DPF3: variants seen among roughly 807,000 people sequenced by gnomAD.
The protein encoded by DPF3 is double PHD fingers 3.
In DPF3, 18 loss-of-function variants were observed where a neutral mutation model predicts 56.8. The ratio of observed to expected loss-of-function variants is 0.32; its 90% CI spans 0.22 to 0.47. The LOEUF (loss-of-function observed/expected upper bound fraction) is 0.47. Ranked by LOEUF, DPF3 falls within the 20% of genes least tolerant of loss-of-function variation. The probability of loss-of-function intolerance (pLI) is 1.00; values close to 1 mark genes in which losing one functional copy is unlikely to be tolerated. For missense variants in DPF3, 403 were observed against 488.8 expected, an observed-to-expected ratio of 0.82 and a Z score of 1.65; for synonymous variants, 188 against 180.2, an observed-to-expected ratio of 1.04 and a Z score of -0.35.
intron 1 of DPF3, among the ~76,000 whole-genome samples, chr14:72,807,976 C>A (rs751035173): frequency 6.6e-6 from 1 of 152,068 alleles, no homozygotes; most frequent in Non-Finnish European, 1.5e-5. Context: ...AAAACAACAA[C>A]AACAACAACA....
At chr14:72,649,540 G>C (rs1182683005) in intron 8 of DPF3, among the ~76,000 whole-genome samples, 1 of 151,734 alleles carries the variant, frequency 6.6e-6, no homozygotes, top group South Asian at 2.1e-4. Context: ...GGAAGGAGTG[G>C]GTGAAAGAAT....
chr14:72,658,368 A>AT (rs1213845356), intron 8 of DPF3, among the ~76,000 whole-genome samples: 8 of 152,144 alleles, frequency 5.3e-5, no homozygotes. Context: ...TTCCGGAAGG[A>AT]TTTTTTTAAT....
chr14:72,802,492 T>C (rs909926829), intron 1 of DPF3, among the ~76,000 whole-genome samples: 6 of 152,190 alleles, frequency 3.9e-5, no homozygotes, highest in Non-Finnish European at 8.8e-5. Flanking sequence ...CACATAGATA[T>C]CAAAGCTCAA....
At chr14:72,771,565 G>A (rs939257909) in intron 2 of DPF3, among the ~76,000 whole-genome samples, 168 bp downstream of exon 2, 1 of 139,812 alleles carries the variant, frequency 7.2e-6, no homozygotes, top group African/African-American at 2.6e-5. Flanking sequence ...ACACCTGCCA[G>A]GAGCCATAAA....
intron 3 of DPF3, among the ~76,000 whole-genome samples, chr14:72,752,852 G>C (rs1269009508): frequency 1.3e-5 from 2 of 152,154 alleles, no homozygotes; most frequent in African/African-American, 2.4e-5. Flanking sequence ...CAGGGTAAGG[G>C]GTAGAGGGTC....
In DPF3 at chr14:72,613,593, C is replaced by T. The variant is rs1022696551; in HGVS notation, c.*5704G>A. Among the ~76,000 whole-genome samples the T allele has an allele frequency of 2.6e-5, 4 of 152,178 alleles. No homozygotes were observed. Among genetic ancestry groups the T allele is most frequent in the African/African-American group, 9.7e-5 (4 of 41,434 alleles). The stretch of plus-strand genomic sequence containing the variant: ...GGGACAGAAGCTGGAACAAAGGGCC[C>T]TGGGGAGTCACCTCAGGACCCCCTC... On this transcript the variant is annotated 3_prime_UTR_variant, in exon 11 of 11. Coordinates refer to ENST00000556509, the MANE Select transcript of DPF3 (RefSeq NM_001280542.3).
Position 72,630,749 on chromosome 14 carries a change from C to CA in DPF3, c.872-1014dup, listed in dbSNP as rs768121824. Among the ~76,000 whole-genome samples, 90 of 152,220 alleles carry CA rather than the reference C, an allele frequency of 5.9e-4. 1 individual carries two copies. The Middle Eastern group carries it at 9.5e-3, about 16-fold the overall frequency. The stretch of plus-strand genomic sequence containing the variant: ...GCAAAGCCAATTACTGACTCTGTCA[C>CA]AAAAAACATTGACAGCTTTGCCCAG... On this transcript the variant is annotated intron_variant, in intron 8 of 10. Coordinates refer to ENST00000556509, the MANE Select transcript of DPF3 (RefSeq NM_001280542.3).
chr14:72,704,551 C>T (rs1888325841), intron 6 of DPF3, among the ~76,000 whole-genome samples: 3 of 152,124 alleles, frequency 2.0e-5, no homozygotes, highest in Admixed American at 2.0e-4. Flanking sequence ...GGCCTTCTTC[C>T]ACCTACAATG....
rs139002551 is a variant in DPF3, at chr14:72,683,686, C to T, written c.743-9318G>A. On this transcript the variant is annotated intron_variant, in intron 7 of 10. Coordinates refer to ENST00000556509, the MANE Select transcript of DPF3 (RefSeq NM_001280542.3). ...GGGAGGTGAGTCGGAGAGGTGGACA[C>T]GCAGGGCCTCACAGGCTAGGGCTTC... is the stretch of plus-strand genomic sequence containing the variant. 1.1e-3 allele frequency among the ~76,000 whole-genome samples: 163 copies of T among 152,284 alleles called. 1 individual carries two copies. Among genetic ancestry groups the T allele is most frequent in the African/African-American group, 3.5e-3 (147 of 41,552 alleles).
intron 1 of DPF3, among the ~76,000 whole-genome samples, chr14:72,874,423 G>A (rs867433371): frequency 1.3e-5 from 2 of 151,646 alleles, no homozygotes; most frequent in Non-Finnish European, 2.9e-5. Context: ...AGGTTGTGGT[G>A]AGCCAAGATC....
intron 2 of DPF3, among the ~76,000 whole-genome samples, chr14:72,753,830 C>T (rs1461913912): frequency 2.0e-5 from 3 of 152,056 alleles, no homozygotes; most frequent in African/African-American, 7.2e-5. Context: ...AGAGACAGAA[C>T]CAAAAACACT....
At position 72,756,859 on chromosome 14, in the gene DPF3, A is replaced by AG. The variant is rs1567222901; in HGVS notation, c.194-3489dup. On this transcript the variant is annotated intron_variant, in intron 2 of 10. Coordinates refer to ENST00000556509, the MANE Select transcript of DPF3 (RefSeq NM_001280542.3). Reference sequence around the variant, plus strand: ...AAGAAAGAAAGAAAGAAAGAAAGAAAGAAAGAAAGAAAGGAAGGAAAGAAG... The same window carrying AG: ...AAGAAAGAAAGAAAGAAAGAAAGAAAGGAAAGAAAGAAAGGAAGGAAAGAAG... 4.4e-3 allele frequency among the ~76,000 whole-genome samples: 514 copies of AG among 116,540 alleles called. 7 individuals carry two copies. Among genetic ancestry groups the AG allele is most frequent in the African/African-American group, 0.016 (451 of 28,866 alleles). The allele number at this position is 116,540 out of a possible 152,430, so 76.5% of individuals were successfully genotyped here.
intron 1 of DPF3, chr14:72,805,927 C>G (rs73302202): frequency 6.6e-6 from 1 of 152,120 alleles, no homozygotes; most frequent in Non-Finnish European, 1.5e-5. Context: ...AGGGCTCTCT[C>G]TAATGGGGAC....
intron 7 of DPF3, among the ~76,000 whole-genome samples, chr14:72,680,252 T>C (rs2153571462): frequency 6.6e-6 from 1 of 152,316 alleles, no homozygotes; most frequent in Admixed American, 6.5e-5. Flanking sequence ...TGACACCTTT[T>C]TTCACTGCTT....
In DPF3 at chr14:72,748,474, G is replaced by GA. The variant is rs570357383; in HGVS notation, c.301+4789dup. Among the ~76,000 whole-genome samples the GA allele has an allele frequency of 2.6e-3, 387 of 149,644 alleles. 2 individuals carry two copies. The highest frequency in any genetic ancestry group is 5.7e-3 in the Admixed American group (86 of 15,074). The stretch of plus-strand genomic sequence containing the variant: ...AAATTTGCAGCCTGACAATGAAATA[G>GA]AAAAAAAAAATCCATTTTCTGAGGA... On this transcript the variant is annotated intron_variant, in intron 3 of 10. Transcript: ENST00000556509.
At chr14:72,861,835 A>G (rs1283247464) in intron 1 of DPF3, among the ~76,000 whole-genome samples, 1 of 151,604 alleles carries the variant, frequency 6.6e-6, no homozygotes, top group Non-Finnish European at 1.5e-5. Context: ...AGCATTTTCA[A>G]TTTTTCTTAC....
chr14:72,632,874 G>C (rs1341086949), intron 8 of DPF3, among the ~76,000 whole-genome samples: 1 of 136,168 alleles, frequency 7.3e-6, no homozygotes, highest in African/African-American at 2.7e-5. Flanking sequence ...AAGGGGAGGG[G>C]AAGGGAGGAA....
intron 6 of DPF3, among the ~76,000 whole-genome samples, chr14:72,694,769 T>A (rs1396336042): frequency 1.3e-5 from 2 of 152,252 alleles, no homozygotes; most frequent in African/African-American, 4.8e-5. Flanking sequence ...TTTAGAACGA[T>A]GTATCTGGCT....
At chr14:72,656,958 A>G (rs555537529) in intron 8 of DPF3, among the ~76,000 whole-genome samples, 1 of 152,338 alleles carries the variant, frequency 6.6e-6, no homozygotes, top group South Asian at 2.1e-4. Flanking sequence ...GCAACTAGTA[A>G]GAAGGTTTCA....
Sources: allele counts gnomAD v4.1 joint callset (sites outside exome capture counted in the v4.1 genomes callset), GRCh38; gene constraint gnomAD v4.1.1; transcripts MANE v1.5; gene names NCBI Gene and HGNC (gene_info 2026-07-23, HGNC 2026-07-21).